The following F7 variants were observed in gnomAD, a reference collection of about 807,000 sequenced individuals.
F7 encodes coagulation factor VII, also known as FVII coagulation protein.
Under a neutral mutation model 47.5 loss-of-function variants are expected in F7, and 38 were observed. The observed-to-expected ratio is 0.80, with a 90% CI of 0.62 to 1.05. The LOEUF (loss-of-function observed/expected upper bound fraction) is 1.05, where lower values mean the gene tolerates loss of function less well. Among genes scored for constraint, F7 ranks in the 50% least tolerant of loss-of-function variants. The pLI, the probability that F7 is intolerant of heterozygous loss-of-function variation, is 0.00. For missense variants in F7, 575 were observed against 605.4 expected, an observed-to-expected ratio of 0.95 and a Z score of 0.53; for synonymous variants, 244 against 258.5, an observed-to-expected ratio of 0.94 and a Z score of 0.54.
At chr13:113,106,994 G>C in intron 1 of F7, 1 of 1,452,910 alleles carries the variant, frequency 6.9e-7, no homozygotes, top group Non-Finnish European at 9.5e-7. Context: ...CAAAGAGCCA[G>C]CCCGCGGGGT....
chr13:113,116,740 A>G, intron 5 of F7, 26 bp from the exon 6 acceptor site: 2 of 1,526,222 alleles, frequency 1.3e-6, no homozygotes, highest in Non-Finnish European at 1.8e-6. Flanking sequence ...AAATCTCTGC[A>G]TCTTTCTGAC....
Position 113,110,809 on chromosome 13 carries a change from T to C in F7, c.184T>C (p.Phe62Leu), listed in dbSNP as rs571415450. 1 of 1,558,566 alleles carries C rather than the reference T, an allele frequency of 6.4e-7. No homozygotes were observed. The highest frequency in any genetic ancestry group is 1.4e-5 in the African/African-American group (1 of 73,644). Reference protein sequence around the residue: ...ERECKEEQCSFEEAREIFKDA... With the variant: ...ERECKEEQCSLEEAREIFKDA... ...GGAGTGCAAGGAGGAGCAGTGCTCCTTCGAGGAGGCCCGGGAGATCTTCAA... is the reference window on the plus strand; with the variant it reads ...GGAGTGCAAGGAGGAGCAGTGCTCCCTCGAGGAGGCCCGGGAGATCTTCAA... Residue 62 changes from phenylalanine to leucine, a missense_variant, in exon 2 of 8, where the codon TTC becomes CTC. By Grantham distance (22) the Phe-to-Leu change is conservative (BLOSUM62 0). Transcript: ENST00000346342.
Position 113,118,610 on chromosome 13 carries a change from T to C in F7, c.937T>C (p.Phe313Leu), listed in dbSNP as rs762858015. 1 of 1,612,922 alleles carries C rather than the reference T, an allele frequency of 6.2e-7. No individual in the cohort carries two copies. Among genetic ancestry groups the C allele is most frequent in the East Asian group, 2.2e-5 (1 of 44,866 alleles). The change falls in exon 8 of 8, where the codon TTC becomes CTC. Residue 313 changes from phenylalanine to leucine, a missense_variant. Phe to Leu is a conservative substitution (Grantham distance 22). Coordinates refer to ENST00000346342, the MANE Select transcript of F7 (RefSeq NM_019616.4). ...GACGTTCTCTGAGAGGACGCTGGCC[T>C]TCGTGCGCTTCTCATTGGTCAGCGG... is the stretch of plus-strand genomic sequence containing the variant. Reference protein sequence around the residue: ...ERTFSERTLAFVRFSLVSGWG... With the variant: ...ERTFSERTLALVRFSLVSGWG...
In F7 at chr13:113,115,170, T is replaced by C. The variant is rs1430821840; in HGVS notation, c.365-490T>C. Among the ~76,000 whole-genome samples the C allele has an allele frequency of 2.0e-5, 3 of 152,168 alleles. No homozygotes were observed. In the East Asian group the frequency reaches 5.8e-4, roughly 29 times the overall value. ...AAAGTCAGGCTGCCGGTTCTGCTTCTTCTGTCTGAGCCCATGACCAGTGCT... is the reference window on the plus strand; with the variant it reads ...AAAGTCAGGCTGCCGGTTCTGCTTCCTCTGTCTGAGCCCATGACCAGTGCT... On this transcript the variant is annotated intron_variant, in intron 4 of 7. Coordinates refer to ENST00000346342, the MANE Select transcript of F7 (RefSeq NM_019616.4).
At chr13:113,111,572 G>A (rs2036095762) in intron 2 of F7, among the ~76,000 whole-genome samples, 1 of 81,310 alleles carries the variant, frequency 1.2e-5, no homozygotes, top group South Asian at 6.8e-4. Context: ...CACACTCACG[G>A]GTCACCTCAC....
chr13:113,108,759 AG>A (rs2036025443), intron 1 of F7, among the ~76,000 whole-genome samples: 1 of 39,896 alleles, frequency 2.5e-5, no homozygotes, highest in Non-Finnish European at 4.8e-5. Flanking sequence ...TCCAGAGGCG[AG>A]GGTGTCCCGG....
In F7 at chr13:113,112,322, ACACT is replaced by A. The variant is rs1477191958; in HGVS notation, c.226-1426_226-1423del. Among the ~76,000 whole-genome samples the A allele has an allele frequency of 4.8e-5, 7 of 145,504 alleles. No homozygotes were observed. The East Asian group carries it at 6.5e-4, about 14-fold the overall frequency. On this transcript the variant is annotated intron_variant, in intron 2 of 7. Transcript: ENST00000346342. ...TCACCTTACTCTCACAGGACACCTC[ACACT>A]CACAGGTCACCTTACTCTCACAGGA... is the stretch of plus-strand genomic sequence containing the variant.
intron 1 of F7, chr13:113,106,790 C>T (rs879780827): frequency 7.1e-5 from 109 of 1,529,780 alleles, no homozygotes; most frequent in Non-Finnish European, 1.3e-5. Flanking sequence ...GGATGTGGGG[C>T]TGCAGCCCTA....
chr13:113,111,646 C>A (rs2036097340), intron 2 of F7, among the ~76,000 whole-genome samples: 1 of 124,662 alleles, frequency 8.0e-6, no homozygotes, highest in African/African-American at 3.1e-5. Flanking sequence ...CGGGTCACCT[C>A]ACACTCACAG....
At chr13:113,108,808 C>T (rs563500595) in intron 1 of F7, among the ~76,000 whole-genome samples, 17 of 38,204 alleles carry the variant, frequency 4.4e-4, no homozygotes, top group Admixed American at 1.1e-3. Context: ...GTCCCGGGGG[C>T]GTGGGTGTCC....
intron 6 of F7, 136 bp downstream of exon 6, chr13:113,117,011 C>T: frequency 1.3e-6 from 1 of 750,554 alleles, no homozygotes; most frequent in Non-Finnish European, 2.4e-6. Context: ...CACCTAGCAC[C>T]TCCAGCTCGC....
chr13:113,113,720 A>G lies in F7; in HGVS notation c.226-32A>G, dbSNP rs200048024. On this transcript the variant is annotated intron_variant, in intron 2 of 7. Transcript: ENST00000346342. The surrounding 1 kb of genome is among the most constrained non-coding windows in gnomAD (Gnocchi z 4.1). The stretch of plus-strand genomic sequence containing the variant: ...CCGTTGGGTGCTCTGGTGAAGGTGC[A>G]TCTCACGAGGCTTGCTCTCTTGTTC... 69 of 1,608,024 alleles carry G rather than the reference A, an allele frequency of 4.3e-5. No individual in the cohort carries two copies. The highest frequency in any genetic ancestry group is 5.9e-5 in the Non-Finnish European group (69 of 1,174,450).
intron 7 of F7, 25 bp from the exon 8 acceptor site, chr13:113,118,388 C>G (rs1047824029): frequency 6.3e-7 from 1 of 1,575,024 alleles, no homozygotes. Context: ...GTGGAAAGGG[C>G]CTGAGGGGGG....
chr13:113,106,086 G>A (rs2035947810), intron 1 of F7, among the ~76,000 whole-genome samples, 181 bp downstream of exon 1: 1 of 151,084 alleles, frequency 6.6e-6, no homozygotes. Flanking sequence ...CACAGGAGGG[G>A]AGGCCCTTCT....
chr13:113,107,933 C>G (rs71446940), intron 1 of F7, among the ~76,000 whole-genome samples: 1 of 93,108 alleles, frequency 1.1e-5, no homozygotes, highest in African/African-American at 3.8e-5. Flanking sequence ...GTGGGTGTCC[C>G]GGGGGTGTGG....
rs771423889 is a variant in F7, at chr13:113,118,969, G to A, written c.1296G>A (p.Glu432=). 5 of 1,603,666 alleles carry A rather than the reference G, an allele frequency of 3.1e-6. No individual in the cohort carries two copies. In the South Asian group the frequency reaches 3.3e-5, roughly 11 times the overall value. ...IEWLQKLMRS[E]PRPGVLLRAP... The stretch of plus-strand genomic sequence containing the variant: ...GGCTGCAAAAGCTCATGCGCTCAGA[G>A]CCACGCCCAGGAGTCCTCCTGCGAG... Residue 432 remains glutamate, a synonymous_variant, in exon 8 of 8, where the codon GAG becomes GAA. Coordinates refer to ENST00000346342, the MANE Select transcript of F7 (RefSeq NM_019616.4).
intron 4 of F7, 105 bp from the exon 5 acceptor site, chr13:113,115,555 C>G: frequency 7.5e-7 from 1 of 1,330,294 alleles, no homozygotes; most frequent in East Asian, 2.5e-5. Context: ...TCAGTGCCAC[C>G]TTCCAGGCAG....
chr13:113,114,101 G>A, intron 4 of F7, 141 bp downstream of exon 4: 1 of 854,642 alleles, frequency 1.2e-6, no homozygotes, highest in Non-Finnish European at 1.9e-6. Context: ...GTTGGAAATT[G>A]GTCTAGGTGA....
rs2142212292 is a variant in F7 at position 113,110,722 on chromosome 13, C to T, written c.97C>T (p.Leu33=). 4 of 1,548,788 alleles carry T rather than the reference C, an allele frequency of 2.6e-6. No homozygotes were observed. The highest frequency in any genetic ancestry group is 3.5e-6 in the Non-Finnish European group (4 of 1,146,532). ...AACCCAGGAGGAAGCCCACGGCGTC[C>T]TGCACCGGCGCCGGCGCGCCAACGC... ...FVTQEEAHGV[L]HRRRRANAFL... Residue 33 remains leucine, a synonymous_variant, in exon 2 of 8, where the codon CTG becomes TTG. Transcript: ENST00000346342.
Sources: allele counts gnomAD v4.1 joint callset (sites outside exome capture counted in the v4.1 genomes callset), GRCh38; gene constraint gnomAD v4.1.1; non-coding constraint Gnocchi (gnomAD v3.1); transcripts MANE v1.5; gene names NCBI Gene and HGNC (gene_info 2026-07-23, HGNC 2026-07-21).